Variants in PCDH17 observed in about 807,000 individuals in gnomAD.
PCDH17 encodes protocadherin 17.
In PCDH17, 21 loss-of-function variants were observed where a neutral mutation model predicts 67.7. The ratio of observed to expected loss-of-function variants is 0.31; its 90% confidence interval spans 0.22 to 0.45. The LOEUF is 0.45. Ranked by LOEUF, PCDH17 falls within the 20% of genes least tolerant of loss-of-function variation. PCDH17 has a pLI of 1.00. For synonymous variants in PCDH17, 701 were observed against 656.7 expected (o/e 1.07, Z -1.03); for missense variants, 1,471 against 1,564.8 (o/e 0.94, Z 1.01).
Position 57,695,209 on chromosome 13 carries a change from T to C in PCDH17, c.2797+28376T>C, listed in dbSNP as rs1955595204. On this transcript the variant is annotated intron_variant, in intron 3 of 3. Coordinates refer to ENST00000377918, the MANE Select transcript of PCDH17 (RefSeq NM_001040429.3). Reference sequence around the variant, plus strand: ...TTGAGTTACCATCTATTTATTGTAGTGTATCTGTTATAAAACAAAAGCTTC... The same window carrying C: ...TTGAGTTACCATCTATTTATTGTAGCGTATCTGTTATAAAACAAAAGCTTC... Among the ~76,000 whole-genome samples, 3 of 151,374 alleles carry C rather than the reference T, an allele frequency of 2.0e-5. No homozygotes were observed. The South Asian group carries it at 6.2e-4, about 31-fold the overall frequency.
chr13:57,703,318 G>C (rs1955686526), intron 3 of PCDH17, among the ~76,000 whole-genome samples: 1 of 152,074 alleles, frequency 6.6e-6, no homozygotes, highest in Admixed American at 6.6e-5. Flanking sequence ...AATTTGGGGT[G>C]CATAAAGAAC....
chr13:57,683,899 T>G (rs776598964), intron 3 of PCDH17, among the ~76,000 whole-genome samples: 1 of 151,832 alleles, frequency 6.6e-6, no homozygotes, highest in South Asian at 2.1e-4. Context: ...TAGAAAATAA[T>G]GATAGAAATG....
At chr13:57,644,414 G>T (rs1954940693) in intron 1 of PCDH17, among the ~76,000 whole-genome samples, 2 of 151,402 alleles carry the variant, frequency 1.3e-5, no homozygotes. Flanking sequence ...TTGAGCAATA[G>T]ACTTTCCACG....
intron 3 of PCDH17, among the ~76,000 whole-genome samples, chr13:57,688,695 A>G (rs1955529482): frequency 6.6e-6 from 1 of 152,088 alleles, no homozygotes; most frequent in African/African-American, 2.4e-5. Context: ...ACATCATTGT[A>G]ATGAATGTAA....
chr13:57,632,853 C>CA lies in PCDH17; in HGVS notation c.308dup (p.Leu104AlafsTer55). On this transcript the variant is annotated frameshift_variant, in exon 1 of 4. Transcript: ENST00000377918. LOFTEE classifies it high-confidence loss of function. Reference sequence around the variant, plus strand: ...CCTGTGCCGCCACAATGCCAAGTGCCAGCTGTCCCTCGAGGTGTTCGCCAA... The same window carrying CA: ...CCTGTGCCGCCACAATGCCAAGTGCCAAGCTGTCCCTCGAGGTGTTCGCCAA... 6.2e-7 allele frequency: 1 copy of CA among 1,613,978 alleles called. No individual in the cohort carries two copies.
intron 1 of PCDH17, among the ~76,000 whole-genome samples, chr13:57,662,079 C>CT (rs1262618455): frequency 6.6e-6 from 1 of 152,114 alleles, no homozygotes; most frequent in Non-Finnish European, 1.5e-5. Context: ...GTTGACCAGG[C>CT]TGGTCTCGAA....
intron 1 of PCDH17, among the ~76,000 whole-genome samples, chr13:57,642,098 T>G (rs1393425189): frequency 6.6e-6 from 1 of 151,784 alleles, no homozygotes; most frequent in Non-Finnish European, 1.5e-5. Context: ...CATATTTAAG[T>G]TGTATGAAAA....
At chr13:57,716,435 G>A (rs1380380959) in intron 3 of PCDH17, among the ~76,000 whole-genome samples, 1 of 151,844 alleles carries the variant, frequency 6.6e-6, no homozygotes, top group Admixed American at 6.6e-5. Flanking sequence ...ACTGCCCTGT[G>A]AAGTGCACAT....
At chr13:57,705,656 A>G (rs1955714341) in intron 3 of PCDH17, among the ~76,000 whole-genome samples, 1 of 152,170 alleles carries the variant, frequency 6.6e-6, no homozygotes, top group South Asian at 2.1e-4. Context: ...AACATCTGAT[A>G]TACTATACCT....
chr13:57,679,322 TAA>T (rs1326124351), intron 3 of PCDH17, among the ~76,000 whole-genome samples: 1 of 149,184 alleles, frequency 6.7e-6, no homozygotes, highest in East Asian at 2.0e-4. Context: ...TATGAAATCA[TAA>T]TAGAATTGTG....
chr13:57,689,479 T>G (rs187053596), intron 3 of PCDH17, among the ~76,000 whole-genome samples: 1 of 152,136 alleles, frequency 6.6e-6, no homozygotes, highest in East Asian at 1.9e-4. Flanking sequence ...TCTTGGTTAA[T>G]TACCTTATTG....
Position 57,633,827 on chromosome 13 carries a change from C to T in PCDH17, c.1281C>T (p.Asp427=), listed in dbSNP as rs563864229. The T allele has an allele frequency of 6.2e-7, 1 of 1,612,300 alleles. No individual in the cohort carries two copies. The highest frequency in any genetic ancestry group is 1.6e-4 in the Middle Eastern group (1 of 6,062). Residue 427 remains aspartate, a synonymous_variant, in exon 1 of 4, where the codon GAC becomes GAT. Transcript: ENST00000377918. The surrounding 1 kb of genome is among the most constrained non-coding windows in gnomAD (Gnocchi z 6.2). The stretch of plus-strand genomic sequence containing the variant: ...ACAACTTCTACACGGTGGTGACTGA[C>T]CGCCCGCTGGACCGCGAGACACAAG... ...NYDNFYTVVT[D]RPLDRETQDE...
upstream of PCDH17, among the ~76,000 whole-genome samples, chr13:57,631,151 A>G (rs1247496280): frequency 6.6e-6 from 1 of 152,220 alleles, no homozygotes; most frequent in African/African-American, 2.4e-5. Context: ...AGGAAAAAAA[A>G]AAACACGTAC....
chr13:57,631,685 AG>A (rs1954722682), upstream of PCDH17: 1 of 152,464 alleles, frequency 6.6e-6, no homozygotes. Flanking sequence ...TCCGAGGAAG[AG>A]AGGGAGGAGC....
intron 3 of PCDH17, among the ~76,000 whole-genome samples, chr13:57,712,036 A>T (rs1955781852): frequency 6.6e-6 from 1 of 151,704 alleles, no homozygotes. Flanking sequence ...TTTACTAAAT[A>T]CTGCTAACCT....
At chr13:57,666,070 G>A (rs1476329163) in intron 1 of PCDH17, among the ~76,000 whole-genome samples, 1 of 152,132 alleles carries the variant, frequency 6.6e-6, no homozygotes, top group Non-Finnish European at 1.5e-5. Context: ...AATCCCAGTA[G>A]ATGATGTAAT....
At chr13:57,660,504 A>C (rs1955170364) in intron 1 of PCDH17, among the ~76,000 whole-genome samples, 1 of 152,236 alleles carries the variant, frequency 6.6e-6, no homozygotes, top group South Asian at 2.1e-4. Flanking sequence ...TGATGCAGAT[A>C]ATCATATTAG....
chr13:57,672,793 G>T (rs2138033776), intron 3 of PCDH17, among the ~76,000 whole-genome samples: 1 of 151,994 alleles, frequency 6.6e-6, no homozygotes, highest in African/African-American at 2.4e-5. Flanking sequence ...TCTTTTCCCA[G>T]ACCTTCCCAT....
Position 57,705,469 on chromosome 13 carries a change from T to C in PCDH17, c.2798-19143T>C, listed in dbSNP as rs938935176. Among the ~76,000 whole-genome samples, 6 of 152,228 alleles carry C rather than the reference T, an allele frequency of 3.9e-5. No homozygotes were observed. The East Asian group carries it at 1.2e-3, about 30-fold the overall frequency. On this transcript the variant is annotated intron_variant, in intron 3 of 3. Coordinates refer to ENST00000377918, the MANE Select transcript of PCDH17 (RefSeq NM_001040429.3). Reference sequence around the variant, plus strand: ...GAACATGCATGTATATGGAGCTATATTTACAAATATAAAGACATGTATTCT... The same window carrying C: ...GAACATGCATGTATATGGAGCTATACTTACAAATATAAAGACATGTATTCT...
Sources: gnomAD v4.1 joint callset for allele counts (sites outside exome capture counted in the v4.1 genomes callset) on GRCh38, gnomAD v4.1.1 for gene constraint, Gnocchi (gnomAD v3.1) non-coding constraint, MANE v1.5 for transcripts, NCBI Gene and HGNC (gene_info 2026-07-23, HGNC 2026-07-21) for gene names.